The following LRP1B variants were observed in gnomAD, a reference collection of about 807,000 sequenced individuals.
LRP1B encodes the protein low-density lipoprotein receptor-related protein 1B.
A neutral mutation model predicts 556.6 loss-of-function variants in LRP1B; 217 were observed. The ratio of observed to expected loss-of-function variants is 0.39; its 90% CI spans 0.35 to 0.44. The LOEUF (loss-of-function observed/expected upper bound fraction) is 0.44. Among genes scored for constraint, LRP1B ranks in the 20% least tolerant of loss-of-function variants. The pLI is 1.00. For synonymous variants in LRP1B, 2,047 were observed against 1,865.8 expected, an observed-to-expected ratio of 1.10 and a Z score of -2.50; for missense variants, 5,053 against 5,620.8, an observed-to-expected ratio of 0.90 and a Z score of 3.23.
intron 45 of LRP1B, 131 bp from the exon 46 acceptor site, chr2:140,536,840 A>G: frequency 1.4e-6 from 1 of 729,576 alleles, no homozygotes; most frequent in South Asian, 2.1e-5. Flanking sequence ...ATTAAAGAGC[A>G]ATGGTTTATG....
intron 3 of LRP1B, among the ~76,000 whole-genome samples, chr2:141,297,260 C>T (rs1445063671): frequency 6.6e-6 from 1 of 152,018 alleles, no homozygotes; most frequent in Non-Finnish European, 1.5e-5. Flanking sequence ...AGTGAGATAT[C>T]ATCTCACACA....
rs377317019 is a variant in LRP1B at position 141,040,435 on chromosome 2, T to A, written c.1789+8551A>T. On this transcript the variant is annotated intron_variant, in intron 11 of 90. Transcript: ENST00000389484. ...CAAAGTTATACAATGCTGAAGATCA[T>A]TGAAATCCAAGGGTAAGAGGTGATT... Among the ~76,000 whole-genome samples the A allele has an allele frequency of 9.2e-5, 14 of 152,162 alleles. No individual in the cohort carries two copies. The East Asian group carries it at 1.7e-3, about 19-fold the overall frequency.
intron 2 of LRP1B, among the ~76,000 whole-genome samples, chr2:141,591,367 T>TTC (rs1553539644): frequency 8.2e-6 from 1 of 122,028 alleles, no homozygotes; most frequent in Non-Finnish European, 1.7e-5. Flanking sequence ...TTGTTTGTTT[T>TTC]TTTTTTTTTC....
chr2:141,112,573 G>T (rs1036588804), intron 7 of LRP1B, among the ~76,000 whole-genome samples: 1 of 152,174 alleles, frequency 6.6e-6, no homozygotes, highest in Non-Finnish European at 1.5e-5. Context: ...AATGCTATTT[G>T]TGAGTTCAAT....
intron 1 of LRP1B, among the ~76,000 whole-genome samples, chr2:142,070,073 T>C (rs1240546947): frequency 6.6e-6 from 1 of 151,812 alleles, no homozygotes; most frequent in Non-Finnish European, 1.5e-5. Context: ...ATGGAATTTA[T>C]TTACTTTAAA....
intron 87 of LRP1B, among the ~76,000 whole-genome samples, chr2:140,240,134 G>A (rs1315296450): frequency 6.6e-6 from 1 of 150,866 alleles, no homozygotes; most frequent in Non-Finnish European, 1.5e-5. Context: ...AAAACACAGA[G>A]AAGAAGACTT....
intron 41 of LRP1B, among the ~76,000 whole-genome samples, chr2:140,663,137 A>T (rs1456560908): frequency 6.6e-6 from 1 of 152,228 alleles, no homozygotes; most frequent in East Asian, 1.9e-4. Context: ...CCTGTAACTT[A>T]TCAACCAACA....
At chr2:142,083,557 T>A (rs796787489) in intron 1 of LRP1B, among the ~76,000 whole-genome samples, 9 of 152,340 alleles carry the variant, frequency 5.9e-5, no homozygotes, top group African/African-American at 2.2e-4. Context: ...ATGTATTTTA[T>A]GCTTGATAGA....
chr2:140,711,201 C>G (rs1687019665), intron 37 of LRP1B, among the ~76,000 whole-genome samples: 2 of 152,044 alleles, frequency 1.3e-5, no homozygotes, highest in South Asian at 2.1e-4. Context: ...TCACCTGTCA[C>G]AATTACACAC....
intron 2 of LRP1B, among the ~76,000 whole-genome samples, chr2:141,726,250 A>T (rs1319003730): frequency 6.6e-6 from 1 of 151,278 alleles, no homozygotes; most frequent in Admixed American, 6.6e-5. Flanking sequence ...TTATAAACAT[A>T]TACATATACT....
intron 66 of LRP1B, among the ~76,000 whole-genome samples, chr2:140,414,199 C>T (rs1195779770): frequency 1.3e-5 from 2 of 152,146 alleles, no homozygotes; most frequent in African/African-American, 2.4e-5. Context: ...TACAGGCATG[C>T]ACCACCACAC....
At chr2:141,183,619 T>C (rs1429543692) in intron 7 of LRP1B, among the ~76,000 whole-genome samples, 2 of 152,024 alleles carry the variant, frequency 1.3e-5, no homozygotes, top group African/African-American at 4.8e-5. Flanking sequence ...AAATAAATCC[T>C]ACAGATCACT....
chr2:141,414,242 A>T (rs1342582936), intron 3 of LRP1B, among the ~76,000 whole-genome samples: 2 of 149,682 alleles, frequency 1.3e-5, no homozygotes, highest in African/African-American at 5.0e-5. Flanking sequence ...TATCTCAAAA[A>T]AAAAAAAAAA....
At chr2:140,334,952 G>C (rs1401605872) in intron 78 of LRP1B, among the ~76,000 whole-genome samples, 3 of 151,818 alleles carry the variant, frequency 2.0e-5, no homozygotes, top group Admixed American at 6.6e-5. Flanking sequence ...TTTTTTTATA[G>C]AGAAGTAACT....
intron 3 of LRP1B, among the ~76,000 whole-genome samples, chr2:141,295,746 A>AACAC (rs376812743): frequency 0.041 from 5,367 of 130,514 alleles, 151 homozygotes; most frequent in African/African-American, 0.065. Context: ...TGAGGAGAGA[A>AACAC]ACACACACAC....
At chr2:140,353,553 C>T (rs1682070873) in intron 75 of LRP1B, among the ~76,000 whole-genome samples, 1 of 151,962 alleles carries the variant, frequency 6.6e-6, no homozygotes, top group Non-Finnish European at 1.5e-5. Flanking sequence ...ATTCTTTCAT[C>T]CCGTAATGCC....
intron 2 of LRP1B, among the ~76,000 whole-genome samples, chr2:141,682,153 G>A (rs1210003949): frequency 1.3e-5 from 2 of 152,048 alleles, no homozygotes; most frequent in Non-Finnish European, 2.9e-5. Flanking sequence ...TGAGTTTAGG[G>A]ATATAGAAAA....
chr2:140,714,294 T>C (rs1284907312), intron 37 of LRP1B, among the ~76,000 whole-genome samples: 1 of 152,128 alleles, frequency 6.6e-6, no homozygotes, highest in Non-Finnish European at 1.5e-5. Flanking sequence ...TCAATAAACG[T>C]TAATTGAATA....
intron 1 of LRP1B, among the ~76,000 whole-genome samples, chr2:141,821,364 C>A (rs1470010723): frequency 2.0e-5 from 3 of 152,154 alleles, no homozygotes; most frequent in Non-Finnish European, 2.9e-5. Context: ...GCTAGTGTAC[C>A]ATTAAAGGCC....
Sources: allele counts gnomAD v4.1 joint callset (sites outside exome capture counted in the v4.1 genomes callset), GRCh38; gene constraint gnomAD v4.1.1; transcripts MANE v1.5; gene names NCBI Gene and HGNC (gene_info 2026-07-23, HGNC 2026-07-21).